Variants in ARK2C observed in about 807,000 individuals in gnomAD.
ARK2C encodes the protein arkadia (RNF111) C-terminal like ring finger ubiquitin ligase 2C.
chr18:46,393,381 G>T, the ARK2C span, among the ~76,000 whole-genome samples: 1 of 152,168 alleles, frequency 6.6e-6, no homozygotes, highest in African/African-American at 2.4e-5. Context: ...ACACCTTCCC[G>T]CTGACCACCA....
the ARK2C span, among the ~76,000 whole-genome samples, chr18:46,414,743 TCCTGGTCCTCAG>T: frequency 6.6e-6 from 1 of 152,156 alleles, no homozygotes; most frequent in African/African-American, 2.4e-5. Context: ...GCACGTGGAA[TCCTGGTCCTCAG>T]GTCCTCCTTT....
At chr18:46,373,322 G>A in the ARK2C span, among the ~76,000 whole-genome samples, 4 of 152,258 alleles carry the variant, frequency 2.6e-5, no homozygotes, top group Non-Finnish European at 5.9e-5. Context: ...TGCTTTCTAA[G>A]ATTCCATTCC....
At chr18:46,388,912 A>G in the ARK2C span, among the ~76,000 whole-genome samples, 1 of 152,196 alleles carries the variant, frequency 6.6e-6, no homozygotes. Flanking sequence ...AAAAGACACG[A>G]AACATTGAAG....
chr18:46,446,545 C>T, the ARK2C span, among the ~76,000 whole-genome samples: 1 of 151,682 alleles, frequency 6.6e-6, no homozygotes, highest in Non-Finnish European at 1.5e-5. Flanking sequence ...GTGTGGCATG[C>T]CTGTAGTCCC....
At chr18:46,437,926 T>A in the ARK2C span, among the ~76,000 whole-genome samples, 1 of 152,206 alleles carries the variant, frequency 6.6e-6, no homozygotes, top group Non-Finnish European at 1.5e-5. Flanking sequence ...CCGATTGTCC[T>A]TTCCCCTCCG....
the ARK2C span, among the ~76,000 whole-genome samples, chr18:46,405,482 A>G: frequency 6.6e-6 from 1 of 152,170 alleles, no homozygotes; most frequent in Non-Finnish European, 1.5e-5. Context: ...AGCTGAGGCA[A>G]TAGGATGGAG....
the ARK2C span, among the ~76,000 whole-genome samples, chr18:46,368,074 G>T: frequency 6.6e-6 from 1 of 152,200 alleles, no homozygotes; most frequent in African/African-American, 2.4e-5. Context: ...GGTTGGGCTT[G>T]AGACTCCACG....
chr18:46,369,396 G>C, the ARK2C span, among the ~76,000 whole-genome samples: 3 of 152,028 alleles, frequency 2.0e-5, no homozygotes, highest in Non-Finnish European at 4.4e-5. Flanking sequence ...TGGCAGGGGG[G>C]TGGGAGAGGA....
At chr18:46,375,612 C>A in the ARK2C span, among the ~76,000 whole-genome samples, 3 of 151,600 alleles carry the variant, frequency 2.0e-5, no homozygotes, top group Non-Finnish European at 4.4e-5. Context: ...GTCCTGGCTT[C>A]CATTTCCTTA....
the ARK2C span, among the ~76,000 whole-genome samples, chr18:46,372,055 G>T: frequency 6.6e-6 from 1 of 152,232 alleles, no homozygotes; most frequent in African/African-American, 2.4e-5. Flanking sequence ...GAGGCCCACA[G>T]TTCCTTTAGG....
At chr18:46,433,861 C>T in the ARK2C span, among the ~76,000 whole-genome samples, 4 of 152,286 alleles carry the variant, frequency 2.6e-5, no homozygotes, top group East Asian at 5.8e-4. Context: ...CTGCATGGTG[C>T]GGGAGGAAAT....
the ARK2C span, among the ~76,000 whole-genome samples, chr18:46,397,358 C>G: frequency 1.3e-5 from 2 of 151,782 alleles, no homozygotes; most frequent in Non-Finnish European, 2.9e-5. Flanking sequence ...TCACTAGGAA[C>G]AGGGAAGGGT....
chr18:46,442,970 C>T, the ARK2C span, among the ~76,000 whole-genome samples: 2 of 152,198 alleles, frequency 1.3e-5, no homozygotes, highest in Non-Finnish European at 2.9e-5. Context: ...CAGCTTTCTT[C>T]CAGTTAGCAC....
the ARK2C span, among the ~76,000 whole-genome samples, chr18:46,436,187 G>T: frequency 1.3e-5 from 2 of 152,066 alleles, no homozygotes; most frequent in African/African-American, 2.4e-5. Flanking sequence ...GAGGTAAAAG[G>T]CATCATGCCT....
the ARK2C span, among the ~76,000 whole-genome samples, chr18:46,382,968 T>C: frequency 6.6e-6 from 1 of 152,234 alleles, no homozygotes; most frequent in African/African-American, 2.4e-5. Flanking sequence ...CTTCTTGGCA[T>C]GTATTAATAC....
At chr18:46,416,533 A>G in the ARK2C span, among the ~76,000 whole-genome samples, 17 of 152,368 alleles carry the variant, frequency 1.1e-4, no homozygotes, top group Admixed American at 2.0e-4. Context: ...CCCCACCTCA[A>G]TAAACGACAA....
the ARK2C span, among the ~76,000 whole-genome samples, chr18:46,369,839 T>C: frequency 6.6e-6 from 1 of 152,188 alleles, no homozygotes; most frequent in Non-Finnish European, 1.5e-5. Flanking sequence ...GCTTTTCCTC[T>C]TAAGATCTTG....
At chr18:46,457,025 G>A in the ARK2C span, 1 of 180,232 alleles carries the variant, frequency 5.5e-6, no homozygotes, top group South Asian at 1.5e-4. Flanking sequence ...GAACCATGTA[G>A]GGGTCTCTAG....
At chr18:46,364,457 A>C in the ARK2C span, among the ~76,000 whole-genome samples, 2 of 152,034 alleles carry the variant, frequency 1.3e-5, no homozygotes, top group Non-Finnish European at 2.9e-5. Context: ...AAGTAACTGG[A>C]AAGGGACACA....
Sources: gnomAD v4.1 joint callset for allele counts (sites outside exome capture counted in the v4.1 genomes callset) on GRCh38, gnomAD v4.1.1 for gene constraint, MANE v1.5 for transcripts, NCBI Gene and HGNC (gene_info 2026-07-23, HGNC 2026-07-21) for gene names.